RAD51: variants seen among roughly 807,000 people sequenced by gnomAD.
RAD51 encodes the protein RAD51 recombinase.
RAD51 carries 14 observed loss-of-function variants against 41.5 expected under a neutral mutation model. That is an observed-to-expected ratio of 0.34 (90% CI 0.22 to 0.53). The LOEUF is 0.53. Ranked by LOEUF, RAD51 falls within the 20% of genes least tolerant of loss-of-function variation. The pLI, the probability that RAD51 is intolerant of heterozygous loss-of-function variation, is 0.95. For synonymous variants in RAD51, 136 were observed against 148.6 expected (o/e 0.92, Z 0.62); for missense variants, 234 against 422.0 (o/e 0.55, Z 3.90).
chr15:40,702,899 C>T (rs750940306), intron 3 of RAD51, among the ~76,000 whole-genome samples: 1 of 151,772 alleles, frequency 6.6e-6, no homozygotes, highest in Admixed American at 6.6e-5. Flanking sequence ...TCAAAGCTCA[C>T]TGCAGCTTCA....
intron 3 of RAD51, among the ~76,000 whole-genome samples, chr15:40,704,824 C>A (rs1895234869): frequency 6.6e-6 from 1 of 151,924 alleles, no homozygotes; most frequent in Non-Finnish European, 1.5e-5. Flanking sequence ...CGCGTGCCAC[C>A]ACGCCCGGCT....
At chr15:40,701,264 G>A in intron 3 of RAD51, 63 bp downstream of exon 3, 1 of 1,557,262 alleles carries the variant, frequency 6.4e-7, no homozygotes, top group South Asian at 1.1e-5. Flanking sequence ...GGAATGTAGT[G>A]AAAGACTTCT....
intron 3 of RAD51, among the ~76,000 whole-genome samples, chr15:40,704,221 G>A (rs1166243389): frequency 3.3e-5 from 5 of 151,068 alleles, no homozygotes; most frequent in Non-Finnish European, 5.9e-5. Flanking sequence ...TTACAGGCAC[G>A]TGCCGCCATG....
chr15:40,720,873 A>G (rs1896235561), intron 6 of RAD51, among the ~76,000 whole-genome samples: 1 of 152,228 alleles, frequency 6.6e-6, no homozygotes, highest in African/African-American at 2.4e-5. Context: ...GGATGGGAAA[A>G]CTCAAGATTA....
intron 1 of RAD51, among the ~76,000 whole-genome samples, chr15:40,697,617 G>A (rs569095622): frequency 2.1e-3 from 252 of 120,286 alleles, no homozygotes; most frequent in African/African-American, 8.0e-3. Flanking sequence ...TCACTCTGTC[G>A]CCCAGGCTGG....
intron 5 of RAD51, among the ~76,000 whole-genome samples, chr15:40,713,796 C>G (rs534943040): frequency 5.9e-5 from 9 of 151,490 alleles, no homozygotes; most frequent in Middle Eastern, 3.4e-3. Flanking sequence ...TTAGTAGAGA[C>G]AGGTTTTCAC....
chr15:40,730,048 TTCATTTA>T, intron 9 of RAD51, 74 bp downstream of exon 9: 1 of 1,571,906 alleles, frequency 6.4e-7, no homozygotes, highest in Non-Finnish European at 8.7e-7. Context: ...ATATAACATT[TTCATTTA>T]AGCCCTGTTA....
intron 3 of RAD51, among the ~76,000 whole-genome samples, chr15:40,703,079 C>T (rs964722026): frequency 2.0e-5 from 3 of 152,184 alleles, no homozygotes; most frequent in African/African-American, 7.2e-5. Flanking sequence ...CTTGTTAGTA[C>T]TTCTCATATT....
At chr15:40,698,057 C>T (rs1894758406) in intron 1 of RAD51, among the ~76,000 whole-genome samples, 1 of 152,096 alleles carries the variant, frequency 6.6e-6, no homozygotes, top group Non-Finnish European at 1.5e-5. Context: ...AGAACTTATT[C>T]CTCCTATCTA....
In RAD51 at chr15:40,731,385, G is replaced by A; in HGVS notation, c.*207G>A. The A allele has an allele frequency of 4.9e-6, 3 of 611,952 alleles. No homozygotes were observed. Among genetic ancestry groups the A allele is most frequent in the African/African-American group, 3.7e-5 (2 of 54,344 alleles). The allele number at this position is 611,952 out of a possible 1,614,324, so 37.9% of individuals were successfully genotyped here. A position where few individuals can be genotyped will look rare whatever the true frequency, so the allele number is the denominator to read the frequency against. ...CTGATCTAAAATGTTTATTCCTTCT[G>A]TAGTGTATTAATCTCTGTGTGTTTT... On this transcript the variant is annotated 3_prime_UTR_variant, in exon 10 of 10. Coordinates refer to ENST00000267868, the MANE Select transcript of RAD51 (RefSeq NM_002875.5).
intron 5 of RAD51, among the ~76,000 whole-genome samples, chr15:40,711,317 A>G (rs1368795152): frequency 6.6e-6 from 1 of 152,162 alleles, no homozygotes; most frequent in Non-Finnish European, 1.5e-5. Context: ...GGTCCTAGCT[A>G]CTCAGGAGGC....
chr15:40,731,437 G>C lies in RAD51; in HGVS notation c.*259G>C. 2.1e-6 allele frequency: 1 copy of C among 476,598 alleles called. No individual in the cohort carries two copies. The allele number at this position is 476,598 out of a possible 1,614,324, so 29.5% of individuals were successfully genotyped here. On this transcript the variant is annotated 3_prime_UTR_variant, in exon 10 of 10. Coordinates refer to ENST00000267868, the MANE Select transcript of RAD51 (RefSeq NM_002875.5). ...TTTGGTTTTGGAGGAGGGGTATGAA[G>C]TATCTTTGACATGGTGCCTTAGGAA... is the stretch of plus-strand genomic sequence containing the variant.
At position 40,695,275 on chromosome 15, in the gene RAD51, C is replaced by T. The variant is rs931684088; in HGVS notation, c.-153C>T. ...CGTGCAGCTGGGAACTGCAACTCAT[C>T]TGGGTTGTGCGCAGAAGGCTGGGGC... On this transcript the variant is annotated 5_prime_UTR_variant, in exon 1 of 10. Transcript: ENST00000267868. 3 of 152,424 alleles carry T rather than the reference C, an allele frequency of 2.0e-5. No individual in the cohort carries two copies. The highest frequency in any genetic ancestry group is 4.4e-5 in the Non-Finnish European group (3 of 68,188). 9.4% of individuals were successfully genotyped at this position (152,424 alleles called of 1,614,324 possible). A position where few individuals can be genotyped will look rare whatever the true frequency, so the allele number is the denominator to read the frequency against.
At chr15:40,719,660 G>A (rs566267436) in intron 6 of RAD51, among the ~76,000 whole-genome samples, 4 of 152,152 alleles carry the variant, frequency 2.6e-5, no homozygotes, top group South Asian at 2.1e-4. Flanking sequence ...GTGAAACCTC[G>A]TCTCTATTAA....
At chr15:40,726,917 A>G (rs1218178664) in intron 6 of RAD51, among the ~76,000 whole-genome samples, 2 of 143,648 alleles carry the variant, frequency 1.4e-5, no homozygotes, top group Non-Finnish European at 3.0e-5. Flanking sequence ...CGTCTCAAAA[A>G]AAAAAAAAAA....
intron 5 of RAD51, among the ~76,000 whole-genome samples, chr15:40,714,857 C>G (rs1376107367): frequency 6.6e-6 from 1 of 152,168 alleles, no homozygotes; most frequent in South Asian, 2.1e-4. Flanking sequence ...TTAGCCCATG[C>G]TTGTTCAAAG....
intron 6 of RAD51, among the ~76,000 whole-genome samples, chr15:40,724,674 C>CTTTTTTTTTTTTTTTTT (rs869156620): frequency 4.2e-5 from 4 of 94,354 alleles, no homozygotes; most frequent in Admixed American, 1.5e-4. Flanking sequence ...TTTTTTATTT[C>CTTTTTTTTTTTTTTTTT]TTTTTTTTTT....
At chr15:40,697,118 G>C (rs1486061872) in intron 1 of RAD51, among the ~76,000 whole-genome samples, 1 of 151,822 alleles carries the variant, frequency 6.6e-6, no homozygotes, top group Non-Finnish European at 1.5e-5. Context: ...TTTTCCTTTT[G>C]AGACAGAGTT....
rs1896910754 is a variant in RAD51 at position 40,732,312 on chromosome 15, T to C, written c.*1134T>C. On this transcript the variant is annotated 3_prime_UTR_variant, in exon 10 of 10. Transcript: ENST00000267868. ...CTTGCAGATGATTGTGCTTAAAAGC[T>C]AATGGAAAAATAAAAGAAAGACATA... 6.0e-6 allele frequency: 1 copy of C among 165,746 alleles called. No individual in the cohort carries two copies. The highest frequency in any genetic ancestry group is 2.4e-5 in the African/African-American group (1 of 41,666). The allele number at this position is 165,746 out of a possible 1,614,324, so 10.3% of individuals were successfully genotyped here. A position where few individuals can be genotyped will look rare whatever the true frequency, so the allele number is the denominator to read the frequency against.
Sources: allele counts gnomAD v4.1 joint callset (sites outside exome capture counted in the v4.1 genomes callset), GRCh38; gene constraint gnomAD v4.1.1; transcripts MANE v1.5; gene names NCBI Gene and HGNC (gene_info 2026-07-23, HGNC 2026-07-21).